Variants in SCAPER observed in about 807,000 individuals in gnomAD.
The protein encoded by SCAPER is S phase cyclin A-associated protein in the endoplasmic reticulum.
A neutral mutation model predicts 182.2 loss-of-function variants in SCAPER; 98 were observed. The observed-to-expected ratio is 0.54, with a 90% confidence interval of 0.46 to 0.64. SCAPER has a LOEUF of 0.64. Among genes scored for constraint, SCAPER ranks in the 30% least tolerant of loss-of-function variants. The pLI, the probability that SCAPER is intolerant of heterozygous loss-of-function variation, is 0.00. For synonymous variants in SCAPER, 605 were observed against 564.6 expected (o/e 1.07, Z -1.01); for missense variants, 1,432 against 1,690.0 (o/e 0.85, Z 2.68).
chr15:76,872,526 C>A (rs886515435), intron 2 of SCAPER, among the ~76,000 whole-genome samples: 1 of 151,766 alleles, frequency 6.6e-6, no homozygotes, highest in Admixed American at 6.6e-5. Flanking sequence ...ACATGATAAA[C>A]GTCAGTAAAC....
At chr15:76,383,151 T>C (rs542677601) in intron 27 of SCAPER, among the ~76,000 whole-genome samples, 6 of 151,530 alleles carry the variant, frequency 4.0e-5, no homozygotes, top group Non-Finnish European at 7.4e-5. Flanking sequence ...TATATACACA[T>C]ATATATAGGT....
At chr15:76,640,233 A>C (rs1213457033) in intron 21 of SCAPER, among the ~76,000 whole-genome samples, 1 of 152,198 alleles carries the variant, frequency 6.6e-6, no homozygotes, top group Admixed American at 6.5e-5. Context: ...AAAATTGGCC[A>C]ATCAAATTAA....
intron 3 of SCAPER, among the ~76,000 whole-genome samples, chr15:76,862,139 T>C (rs962240171): frequency 3.9e-5 from 6 of 152,118 alleles, no homozygotes; most frequent in African/African-American, 1.4e-4. Context: ...CCTAAACATA[T>C]CACTAAATCT....
chr15:76,641,279 C>T (rs2054083176), intron 21 of SCAPER, among the ~76,000 whole-genome samples: 1 of 152,174 alleles, frequency 6.6e-6, no homozygotes, highest in Non-Finnish European at 1.5e-5. Context: ...ATTGTAAATT[C>T]TTATCTCTGT....
At chr15:76,467,456 T>C (rs2142997019) in intron 25 of SCAPER, among the ~76,000 whole-genome samples, 1 of 151,036 alleles carries the variant, frequency 6.6e-6, no homozygotes, top group East Asian at 1.9e-4. Context: ...TTTTTTTTTT[T>C]TAAAGACAGG....
chr15:76,479,459 G>A (rs1215442937), intron 24 of SCAPER, among the ~76,000 whole-genome samples: 1 of 152,150 alleles, frequency 6.6e-6, no homozygotes, highest in African/African-American at 2.4e-5. Flanking sequence ...TTGGGGGTTT[G>A]AGATAAAGGC....
At chr15:76,349,401 T>C (rs901597627) in intron 31 of SCAPER, 64 of 151,828 alleles carry the variant, frequency 4.2e-4, no homozygotes, top group African/African-American at 1.4e-3. Context: ...AACAAAGCAG[T>C]AGGAATGAAT....
rs563400911 is a variant in SCAPER at position 76,823,948 on chromosome 15, A to C, written c.393+17786T>G. Among the ~76,000 whole-genome samples the C allele has an allele frequency of 3.9e-5, 6 of 152,322 alleles. 1 individual carries two copies. Among genetic ancestry groups the C allele is most frequent in the African/African-American group, 1.4e-4 (6 of 41,564 alleles). On this transcript the variant is annotated intron_variant, in intron 5 of 31. Coordinates refer to ENST00000563290, the MANE Select transcript of SCAPER (RefSeq NM_020843.4). ...CTAACTCTGAAGGGGCAAGAATATA[A>C]GCCGCTATACTTCAGAAATTTGTTG...
chr15:76,702,830 A>T lies in SCAPER; in HGVS notation c.2400+20T>A. On this transcript the variant is annotated intron_variant, in intron 19 of 31. Transcript: ENST00000563290. The stretch of plus-strand genomic sequence containing the variant: ...TTTAGTAGTAAACTATATCATTACA[A>T]TATTGATATAACAACCTACCAGGAC... 1 of 1,583,654 alleles carries T rather than the reference A, an allele frequency of 6.3e-7. No individual in the cohort carries two copies. The highest frequency in any genetic ancestry group is 8.6e-7 in the Non-Finnish European group (1 of 1,169,244).
Position 76,474,964 on chromosome 15 carries a change from CA to C in SCAPER, c.2955-3630del, listed in dbSNP as rs1456307255. ...AAAAAACCTTGACCCACATCTAACACATTTATGACATATCAGTTGGAGGTTC... is the reference window on the plus strand; with the variant it reads ...AAAAAACCTTGACCCACATCTAACACTTTATGACATATCAGTTGGAGGTTC... On this transcript the variant is annotated intron_variant, in intron 24 of 31. Transcript: ENST00000563290. Among the ~76,000 whole-genome samples the C allele has an allele frequency of 9.2e-5, 14 of 152,258 alleles. 1 individual carries two copies. In the South Asian group the frequency reaches 2.7e-3, roughly 29 times the overall value.
At chr15:76,593,212 C>A (rs1410534673) in intron 22 of SCAPER, among the ~76,000 whole-genome samples, 1 of 121,408 alleles carries the variant, frequency 8.2e-6, no homozygotes, top group East Asian at 2.2e-4. Flanking sequence ...CTGGGAAGTT[C>A]GAGCTGGGTG....
intron 23 of SCAPER, 137 bp downstream of exon 23, chr15:76,574,021 A>C (rs1285064750): frequency 9.5e-6 from 8 of 838,196 alleles, no homozygotes; most frequent in African/African-American, 3.5e-5. Flanking sequence ...TAAAAAAAAA[A>C]ATTCATCTAT....
At chr15:76,734,009 G>A (rs989743188) in intron 15 of SCAPER, among the ~76,000 whole-genome samples, 14 of 152,060 alleles carry the variant, frequency 9.2e-5, no homozygotes, top group Non-Finnish European at 2.1e-4. Flanking sequence ...ATCTTACAAA[G>A]TTCTACTTAA....
At chr15:76,484,027 A>T (rs1272481302) in intron 24 of SCAPER, among the ~76,000 whole-genome samples, 1 of 152,218 alleles carries the variant, frequency 6.6e-6, no homozygotes, top group African/African-American at 2.4e-5. Context: ...ATATCTACAC[A>T]AAAGACTGCA....
At chr15:76,728,823 C>T in intron 16 of SCAPER, 86 bp from the exon 17 acceptor site, 3 of 1,400,350 alleles carry the variant, frequency 2.1e-6, no homozygotes, top group African/African-American at 2.9e-5. Context: ...ACCAAACTTA[C>T]ATGTTCAAGC....
At chr15:76,477,154 T>C (rs1245267559) in intron 24 of SCAPER, among the ~76,000 whole-genome samples, 1 of 152,136 alleles carries the variant, frequency 6.6e-6, no homozygotes, top group Non-Finnish European at 1.5e-5. Context: ...CAGACTGAAC[T>C]AACATTGTGA....
chr15:76,555,146 T>A (rs1403940166), intron 23 of SCAPER, among the ~76,000 whole-genome samples: 2 of 152,170 alleles, frequency 1.3e-5, no homozygotes, highest in Non-Finnish European at 2.9e-5. Flanking sequence ...CTAAGCTTCA[T>A]AAGCCAAAGA....
At chr15:76,857,736 A>T (rs985673938) in intron 4 of SCAPER, 73 bp downstream of exon 4, 5 of 980,820 alleles carry the variant, frequency 5.1e-6, no homozygotes, top group Middle Eastern at 3.2e-4. Flanking sequence ...GCAAAATAAG[A>T]TTTTCATAAT....
At chr15:76,802,500 C>A (rs2065870508) in intron 6 of SCAPER, among the ~76,000 whole-genome samples, 1 of 152,154 alleles carries the variant, frequency 6.6e-6, no homozygotes, top group African/African-American at 2.4e-5. Context: ...GACATTTAGG[C>A]CTGACCCACC....
Sources: gnomAD v4.1 joint callset for allele counts (sites outside exome capture counted in the v4.1 genomes callset) on GRCh38, gnomAD v4.1.1 for gene constraint, MANE v1.5 for transcripts, NCBI Gene and HGNC (gene_info 2026-07-23, HGNC 2026-07-21) for gene names.